P4HA3: variants seen among roughly 807,000 people sequenced by gnomAD.
P4HA3 encodes prolyl 4-hydroxylase subunit alpha-3.
In P4HA3, 60 loss-of-function variants were observed where a neutral mutation model predicts 66.7. That is an observed-to-expected ratio of 0.90 (90% CI 0.73 to 1.12). The LOEUF (loss-of-function observed/expected upper bound fraction) is 1.12. P4HA3 is among the 50% of genes most tolerant of loss of function. The pLI, the probability that P4HA3 is intolerant of heterozygous loss-of-function variation, is 0.00. For synonymous variants in P4HA3, 263 were observed against 274.6 expected, an observed-to-expected ratio of 0.96 and a Z score of 0.42; for missense variants, 683 against 685.8, an observed-to-expected ratio of 1.00 and a Z score of 0.05.
chr11:74,303,065 C>G (rs1469178149), intron 2 of P4HA3, among the ~76,000 whole-genome samples: 1 of 152,136 alleles, frequency 6.6e-6, no homozygotes, highest in East Asian at 1.9e-4. Context: ...GAGCCTCTCA[C>G]CTCAGCCTTC....
At chr11:74,263,303 C>A (rs2135697933), downstream of P4HA3, among the ~76,000 whole-genome samples, 1 of 152,340 alleles carries the variant, frequency 6.6e-6, no homozygotes, top group South Asian at 2.1e-4. Flanking sequence ...CAACAGATAT[C>A]TACATCTGAC....
chr11:74,268,115 C>G (rs758928210), intron 12 of P4HA3, 30 bp downstream of exon 12: 6 of 1,585,280 alleles, frequency 3.8e-6, no homozygotes, highest in African/African-American at 2.7e-5. Context: ...CCCTGTACCC[C>G]CTTCTCATGC....
At chr11:74,272,171 C>T (rs1236879339) in intron 10 of P4HA3, among the ~76,000 whole-genome samples, 2 of 152,114 alleles carry the variant, frequency 1.3e-5, no homozygotes, top group African/African-American at 2.4e-5. Context: ...CCCAAATGCA[C>T]ATGCATGCAC....
At chr11:74,310,833 C>T (rs1010286035) in intron 1 of P4HA3, among the ~76,000 whole-genome samples, 8 of 152,226 alleles carry the variant, frequency 5.3e-5, no homozygotes, top group African/African-American at 1.9e-4. Context: ...AAGACTGTCA[C>T]CTGACTCCTA....
intron 4 of P4HA3, among the ~76,000 whole-genome samples, chr11:74,290,807 T>TCTGTTTTGGTACCAGTAACAGG (rs1430329309): frequency 6.6e-6 from 1 of 152,218 alleles, no homozygotes; most frequent in East Asian, 1.9e-4. Flanking sequence ...GGTCTATATC[T>TCTGTTTTGGTACCAGTAACAGG]CTGTTTTGGT....
chr11:74,251,749 G>A, intron 15 of P4HA3: 1 of 1,610,378 alleles, frequency 6.2e-7, no homozygotes, highest in Non-Finnish European at 8.5e-7. Context: ...GAACCCAGCA[G>A]TGCTGGCCGA....
intron 4 of P4HA3, among the ~76,000 whole-genome samples, chr11:74,295,064 C>G (rs1192542613): frequency 6.6e-6 from 1 of 152,144 alleles, no homozygotes; most frequent in Non-Finnish European, 1.5e-5. Flanking sequence ...CTTGGCTCCT[C>G]CCCCCGTGCC....
downstream of P4HA3, among the ~76,000 whole-genome samples, chr11:74,262,297 ACT>A (rs1859919581): frequency 6.6e-6 from 1 of 152,146 alleles, no homozygotes; most frequent in South Asian, 2.1e-4. Context: ...GGACAGGGAA[ACT>A]CTGTCACTCA....
chr11:74,270,064 C>T (rs1860140008), intron 10 of P4HA3, among the ~76,000 whole-genome samples: 1 of 151,766 alleles, frequency 6.6e-6, no homozygotes, highest in Non-Finnish European at 1.5e-5. Context: ...CACACACATA[C>T]ACACACACAC....
intron 12 of P4HA3, among the ~76,000 whole-genome samples, chr11:74,267,655 G>A (rs556793936): frequency 4.6e-5 from 7 of 152,282 alleles, no homozygotes; most frequent in South Asian, 2.1e-4. Context: ...AGAGAAAAAC[G>A]GGTGGCATCT....
At chr11:74,307,444 G>A (rs1861610967) in intron 1 of P4HA3, among the ~76,000 whole-genome samples, 1 of 152,076 alleles carries the variant, frequency 6.6e-6, no homozygotes, top group Admixed American at 6.5e-5. Flanking sequence ...TGCATTTTGG[G>A]GTTGATTTGT....
At position 74,284,520 on chromosome 11, in the gene P4HA3, T is replaced by C. The variant is rs76629194; in HGVS notation, c.1110+1289A>G. Among the ~76,000 whole-genome samples, 1,001 of 152,318 alleles carry C rather than the reference T, an allele frequency of 6.6e-3. 13 individuals are homozygous for C. Among genetic ancestry groups the C allele is most frequent in the African/African-American group, 0.023 (973 of 41,566 alleles). Reference sequence around the variant, plus strand: ...CTTCAATCAAAATTTAATCTAATCATGATTGTAATTTAATTTAATCATGAT... The same window carrying C: ...CTTCAATCAAAATTTAATCTAATCACGATTGTAATTTAATTTAATCATGAT... On this transcript the variant is annotated intron_variant, in intron 7 of 12. Coordinates refer to ENST00000331597, the MANE Select transcript of P4HA3 (RefSeq NM_182904.5).
At chr11:74,307,722 C>G (rs915915846) in intron 1 of P4HA3, among the ~76,000 whole-genome samples, 1 of 152,200 alleles carries the variant, frequency 6.6e-6, no homozygotes, top group Non-Finnish European at 1.5e-5. Context: ...AAATCAGATC[C>G]TTTCCTTCAA....
intron 1 of P4HA3, among the ~76,000 whole-genome samples, chr11:74,309,334 T>G (rs1198122574): frequency 6.6e-6 from 1 of 152,186 alleles, no homozygotes; most frequent in Non-Finnish European, 1.5e-5. Context: ...CCTCCTGCTG[T>G]GACAAAGTTG....
chr11:74,257,050 C>T (rs1280995743), intron 15 of P4HA3, among the ~76,000 whole-genome samples: 6 of 152,120 alleles, frequency 3.9e-5, no homozygotes, highest in African/African-American at 7.2e-5. Context: ...ATAGTGACCA[C>T]GTTGTAAGAA....
rs1565419774 is a variant in P4HA3 at position 74,298,294 on chromosome 11, CG to C, written c.634del (p.Arg212GlufsTer15). 2 of 1,614,110 alleles carry C rather than the reference CG, an allele frequency of 1.2e-6. No individual in the cohort carries two copies. Among genetic ancestry groups the C allele is most frequent in the Non-Finnish European group, 1.7e-6 (2 of 1,179,994 alleles). On this transcript the variant is annotated frameshift_variant, in exon 4 of 13. Coordinates refer to ENST00000331597, the MANE Select transcript of P4HA3 (RefSeq NM_182904.5). LOFTEE classifies it high-confidence loss of function. ...PWLEEAVSLF[R>X]GSYGEWKTED... The stretch of plus-strand genomic sequence containing the variant: ...TGTCTTCCACTCTCCGTAAGATCCT[CG>C]GAAGAGACTGACAGCCTCCTCCAGC...
chr11:74,295,235 A>G (rs1006248084), intron 4 of P4HA3, among the ~76,000 whole-genome samples: 4 of 152,208 alleles, frequency 2.6e-5, no homozygotes, highest in Admixed American at 2.0e-4. Flanking sequence ...CCCGGAGTCC[A>G]CAAAGTTAGT....
Position 74,311,623 on chromosome 11 carries a change from G to T in P4HA3, c.-12C>A. 6.7e-7 allele frequency: 1 copy of T among 1,488,340 alleles called. No homozygotes were observed. Among genetic ancestry groups the T allele is most frequent in the East Asian group, 2.8e-5 (1 of 35,844 alleles). The allele number at this position is 1,488,340 out of a possible 1,614,324, so 92.2% of individuals were successfully genotyped here. On this transcript the variant is annotated 5_prime_UTR_variant, in exon 1 of 13. Coordinates refer to ENST00000331597, the MANE Select transcript of P4HA3 (RefSeq NM_182904.5). ...GCCCCAGGACCCATAGCCAGCGCTC[G>T]CGAACTTCCCCTCAGACAGTCCTGG...
intron 1 of P4HA3, among the ~76,000 whole-genome samples, chr11:74,306,319 T>C (rs1861580160): frequency 6.6e-6 from 1 of 152,192 alleles, no homozygotes. Flanking sequence ...TCAACAGTGT[T>C]TATATAGGCA....
Sources: gnomAD v4.1 joint callset for allele counts (sites outside exome capture counted in the v4.1 genomes callset) on GRCh38, gnomAD v4.1.1 for gene constraint, MANE v1.5 for transcripts, NCBI Gene and HGNC (gene_info 2026-07-23, HGNC 2026-07-21) for gene names.